Variants in DRC1 observed in about 807,000 individuals in gnomAD.
DRC1 encodes dynein regulatory complex protein 1.
A neutral mutation model predicts 98.7 loss-of-function variants in DRC1; 74 were observed. The ratio of observed to expected loss-of-function variants is 0.75; its 90% CI spans 0.62 to 0.91. The LOEUF (loss-of-function observed/expected upper bound fraction) is 0.91, where lower values mean the gene tolerates loss of function less well. Ranked by LOEUF, DRC1 falls within the 40% of genes least tolerant of loss-of-function variation. DRC1 has a pLI of 0.00. For missense variants in DRC1, 875 were observed against 886.0 expected, an observed-to-expected ratio of 0.99 and a Z score of 0.16; for synonymous variants, 336 against 334.1, an observed-to-expected ratio of 1.01 and a Z score of -0.06.
intron 8 of DRC1, among the ~76,000 whole-genome samples, chr2:26,443,359 C>T (rs1663766469): frequency 6.6e-6 from 1 of 152,138 alleles, no homozygotes; most frequent in African/African-American, 2.4e-5. Flanking sequence ...AGTTTCCATG[C>T]ACAGAGCTCC....
rs974307810 is a variant in DRC1, at chr2:26,426,777, A to G, written c.540+2323A>G. On this transcript the variant is annotated intron_variant, in intron 4 of 16. Coordinates refer to ENST00000288710, the MANE Select transcript of DRC1 (RefSeq NM_145038.5). ...GATTCTGAATTTTACAAATTTTAGG[A>G]TGGTTTTCCTATTTCCACAAAAAAT... is the stretch of plus-strand genomic sequence containing the variant. Among the ~76,000 whole-genome samples the G allele has an allele frequency of 5.9e-5, 9 of 152,300 alleles. No homozygotes were observed. The South Asian group carries it at 1.4e-3, about 25-fold the overall frequency.
intron 2 of DRC1, among the ~76,000 whole-genome samples, chr2:26,419,791 A>G (rs527470784): frequency 6.6e-6 from 1 of 152,210 alleles, no homozygotes; most frequent in Non-Finnish European, 1.5e-5. Context: ...AGGATTTATC[A>G]TCTTGAATAA....
intron 7 of DRC1, among the ~76,000 whole-genome samples, chr2:26,439,962 C>CAT (rs143606624): frequency 1.6e-4 from 8 of 48,500 alleles, no homozygotes; most frequent in South Asian, 6.6e-4. Flanking sequence ...CACACACACA[C>CAT]ATATATATAT....
rs564736721 is a variant in DRC1, at chr2:26,455,370, G to C, written c.2166+137G>C. On this transcript the variant is annotated intron_variant, in intron 16 of 16. Coordinates refer to ENST00000288710, the MANE Select transcript of DRC1 (RefSeq NM_145038.5). The stretch of plus-strand genomic sequence containing the variant: ...TTTGTGATATGATGTAAAAAATCAA[G>C]AGTGGCACCTTGAGACAACTACTGG... The C allele has an allele frequency of 1.6e-3, 1,290 of 791,608 alleles. 7 individuals are homozygous for C. Among genetic ancestry groups the C allele is most frequent in the Non-Finnish European group, 2.4e-3 (1,196 of 501,438 alleles). 49.0% of individuals were successfully genotyped at this position (791,608 alleles called of 1,614,324 possible). A position where few individuals can be genotyped will look rare whatever the true frequency, so the allele number is the denominator to read the frequency against.
intron 13 of DRC1, among the ~76,000 whole-genome samples, chr2:26,452,354 C>T (rs1484158293): frequency 1.3e-5 from 2 of 152,200 alleles, no homozygotes; most frequent in Non-Finnish European, 2.9e-5. Context: ...CTCCCAGGTT[C>T]AAGCCATTCT....
intron 1 of DRC1, among the ~76,000 whole-genome samples, chr2:26,412,297 G>A (rs867112028): frequency 1.3e-5 from 2 of 152,182 alleles, no homozygotes; most frequent in Non-Finnish European, 2.9e-5. Context: ...GAACCCAGGA[G>A]GCAGAGGTTG....
At chr2:26,421,166 G>T in intron 2 of DRC1, 122 bp from the exon 3 acceptor site, 1 of 719,962 alleles carries the variant, frequency 1.4e-6, no homozygotes. Context: ...AAATCTTAAG[G>T]TAGTTGCTGC....
At chr2:26,431,156 A>T (rs1425900124) in intron 6 of DRC1, among the ~76,000 whole-genome samples, 2 of 152,040 alleles carry the variant, frequency 1.3e-5, no homozygotes, top group Non-Finnish European at 2.9e-5. Context: ...GGGTTTCACC[A>T]TGTTGACCAG....
chr2:26,405,199 T>C (rs1454516803), intron 1 of DRC1, among the ~76,000 whole-genome samples: 1 of 152,190 alleles, frequency 6.6e-6, no homozygotes, highest in East Asian at 1.9e-4. Context: ...CTTTCTTTGG[T>C]GAGCACCTAT....
chr2:26,418,603 A>T (rs11126474), intron 2 of DRC1, among the ~76,000 whole-genome samples: 47,954 of 93,188 alleles, frequency 0.51, 12,905 homozygotes, highest in Non-Finnish European at 0.59. Flanking sequence ...AATTTATATA[A>T]TATATAAATT....
intron 4 of DRC1, among the ~76,000 whole-genome samples, chr2:26,428,810 T>G (rs1014336520): frequency 6.6e-6 from 1 of 151,394 alleles, no homozygotes; most frequent in African/African-American, 2.4e-5. Context: ...AAAAAAAAAA[T>G]ACCGTATTAT....
At chr2:26,421,782 A>G (rs1182096449) in intron 3 of DRC1, among the ~76,000 whole-genome samples, 2 of 152,066 alleles carry the variant, frequency 1.3e-5, no homozygotes, top group African/African-American at 2.4e-5. Flanking sequence ...CTGGTCTCGA[A>G]CTACTGACCT....
chr2:26,453,710 G>A (rs1664069910), intron 14 of DRC1, among the ~76,000 whole-genome samples, 161 bp downstream of exon 14: 1 of 152,240 alleles, frequency 6.6e-6, no homozygotes, highest in Non-Finnish European at 1.5e-5. Flanking sequence ...CCAATCGCTG[G>A]ACAGTCAGGA....
At chr2:26,424,932 A>G (rs1375736153) in intron 4 of DRC1, among the ~76,000 whole-genome samples, 1 of 152,220 alleles carries the variant, frequency 6.6e-6, no homozygotes, top group Admixed American at 6.5e-5. Flanking sequence ...AGCCTGGGTG[A>G]CAGAGGGAGT....
chr2:26,454,560 G>A lies in DRC1; in HGVS notation c.1920-87G>A. 3 of 1,552,428 alleles carry A rather than the reference G, an allele frequency of 1.9e-6. No homozygotes were observed. ...CTGCTGAGTGGGAAGGTGACAGGTG[G>A]GAAAGCAGTAGGCCTGTGACTGGCA... On this transcript the variant is annotated intron_variant, in intron 14 of 16. Transcript: ENST00000288710. This position sits in a 1 kb window ranked among gnomAD's most constrained non-coding sequence, Gnocchi z 5.2.
intron 4 of DRC1, among the ~76,000 whole-genome samples, chr2:26,427,886 G>A (rs1663327460): frequency 6.6e-6 from 1 of 151,906 alleles, no homozygotes; most frequent in Non-Finnish European, 1.5e-5. Context: ...TTCCATCCAC[G>A]TCGTTGCAAA....
At chr2:26,448,455 C>T (rs1315042425) in intron 10 of DRC1, 1 of 665,662 alleles carries the variant, frequency 1.5e-6, no homozygotes, top group Non-Finnish European at 2.8e-6. Context: ...TAGGGCATTA[C>T]AGGCTGGCTG....
At chr2:26,414,312 A>C (rs1468856483) in intron 1 of DRC1, 32 bp from the exon 2 acceptor site, 2 of 1,608,584 alleles carry the variant, frequency 1.2e-6, no homozygotes, top group Non-Finnish European at 1.7e-6. Flanking sequence ...TATTAGAAAT[A>C]ACTTCATTTT....
chr2:26,451,950 A>G (rs1400086805), intron 13 of DRC1, among the ~76,000 whole-genome samples: 1 of 152,232 alleles, frequency 6.6e-6, no homozygotes, highest in Non-Finnish European at 1.5e-5. Context: ...AAAGGAACAG[A>G]TAACAAATAT....
Sources: gnomAD v4.1 joint callset for allele counts (sites outside exome capture counted in the v4.1 genomes callset) on GRCh38, gnomAD v4.1.1 for gene constraint, Gnocchi (gnomAD v3.1) non-coding constraint, MANE v1.5 for transcripts, NCBI Gene and HGNC (gene_info 2026-07-23, HGNC 2026-07-21) for gene names.